The following DYSF variants were observed in gnomAD, a reference collection of about 807,000 sequenced individuals.
DYSF encodes the protein dystrophy-associated fer-1-like 1.
A neutral mutation model predicts 274.9 loss-of-function variants in DYSF; 212 were observed. That is an observed-to-expected ratio of 0.77 (90% CI 0.69 to 0.86). The LOEUF is 0.86. Ranked by LOEUF, DYSF falls within the 40% of genes least tolerant of loss-of-function variation. The pLI is 0.00. For synonymous variants in DYSF, 1,091 were observed against 1,078.7 expected (o/e 1.01, Z -0.22); for missense variants, 2,666 against 2,783.2 (o/e 0.96, Z 0.95).
At chr2:71,590,374 C>T in intron 32 of DYSF, 86 bp downstream of exon 32, 2 of 1,468,600 alleles carry the variant, frequency 1.4e-6, no homozygotes, top group Non-Finnish European at 1.9e-6. Flanking sequence ...ACAAGGGGTG[C>T]TGTTTGCTGG....
intron 41 of DYSF, among the ~76,000 whole-genome samples, chr2:71,633,964 G>A (rs1027996894): frequency 1.8e-4 from 28 of 152,166 alleles, no homozygotes; most frequent in African/African-American, 6.5e-4. Flanking sequence ...TATTTGGAAC[G>A]TATCATACTG....
intron 48 of DYSF, among the ~76,000 whole-genome samples, chr2:71,668,027 T>C (rs11674060): frequency 0.18 from 27,462 of 149,852 alleles, 2,837 homozygotes; most frequent in African/African-American, 0.27. Context: ...ACAGCAGCCT[T>C]GGGATGGTGA....
intron 22 of DYSF, among the ~76,000 whole-genome samples, chr2:71,556,826 T>G (rs896506803): frequency 2.6e-5 from 4 of 152,190 alleles, no homozygotes; most frequent in South Asian, 2.1e-4. Flanking sequence ...CCCTCTGCTC[T>G]CCACAGGGTT....
intron 40 of DYSF, among the ~76,000 whole-genome samples, chr2:71,614,617 C>T (rs570623998): frequency 1.3e-5 from 2 of 152,314 alleles, no homozygotes; most frequent in African/African-American, 4.8e-5. Flanking sequence ...GCTCTAGGGC[C>T]TGCTGTCTCT....
chr2:71,682,409 G>A, intron 54 of DYSF, 121 bp from the exon 55 acceptor site: 1 of 1,259,484 alleles, frequency 7.9e-7, no homozygotes, highest in East Asian at 2.3e-5. Context: ...GACAGGGCCT[G>A]GGCAGGCGCT....
chr2:71,656,454 G>C (rs993479539), intron 43 of DYSF, among the ~76,000 whole-genome samples, 164 bp downstream of exon 43: 1 of 152,154 alleles, frequency 6.6e-6, no homozygotes, highest in Non-Finnish European at 1.5e-5. Flanking sequence ...CGCAGAATCT[G>C]ACTGGTGATG....
chr2:71,496,833 C>T (rs914739899), intron 3 of DYSF, among the ~76,000 whole-genome samples: 4 of 152,130 alleles, frequency 2.6e-5, no homozygotes, highest in African/African-American at 9.7e-5. Flanking sequence ...AAATATGGGC[C>T]AGGTCAAATG....
intron 17 of DYSF, among the ~76,000 whole-genome samples, chr2:71,548,424 C>T (rs1250806998): frequency 1.3e-5 from 2 of 152,122 alleles, no homozygotes; most frequent in African/African-American, 4.8e-5. Context: ...GTTCACCAAC[C>T]ACATCCCGGG....
Position 71,481,931 on chromosome 2 carries a change from A to G in DYSF, c.200A>G (p.His67Arg). 6.2e-7 allele frequency: 1 copy of G among 1,614,074 alleles called. No individual in the cohort carries two copies. Among genetic ancestry groups the G allele is most frequent in the Non-Finnish European group, 8.5e-7 (1 of 1,180,002 alleles). The change falls in exon 3 of 56, where the codon CAT (histidine) becomes CGT (arginine). Residue 67 changes from histidine to arginine, a missense_variant. His to Arg is a conservative substitution (Grantham distance 29). Around this residue, in one of 3 missense-constraint regions of DYSF, gnomAD observed 794 missense variants for 777.1 expected, o/e 1.02. Coordinates refer to ENST00000410020, the MANE Select transcript of DYSF (RefSeq NM_001130987.2). Reference protein sequence around the residue: ...GIPLDQGSELHVVVKDHETMG... With the variant: ...GIPLDQGSELRVVVKDHETMG... ...CCCCTGGACCAGGGCTCTGAGCTTC[A>G]TGTGGTGGTCAAAGACCATGAGACG...
In DYSF at chr2:71,609,623, G is replaced by T. The variant is rs79296871; in HGVS notation, c.3958-1622G>T. 1.0e-2 allele frequency among the ~76,000 whole-genome samples: 1,520 copies of T among 152,342 alleles called. 7 individuals carry two copies. Among genetic ancestry groups the T allele is most frequent in the Middle Eastern group, 0.034 (10 of 294 alleles). On this transcript the variant is annotated intron_variant, in intron 36 of 55. Coordinates refer to ENST00000410020, the MANE Select transcript of DYSF (RefSeq NM_001130987.2). ...CATCTGAGAATACTGAGTCACTGAAGTTGAGTAATCTGTCCAAGGCCTAAT... is the reference window on the plus strand; with the variant it reads ...CATCTGAGAATACTGAGTCACTGAATTTGAGTAATCTGTCCAAGGCCTAAT...
chr2:71,454,225 A>C (rs2080956675), intron 1 of DYSF: 2 of 844,686 alleles, frequency 2.4e-6, no homozygotes, highest in South Asian at 3.0e-5. Context: ...GAGTGTTGCA[A>C]CGACACAGGT....
At position 71,553,086 on chromosome 2, in the gene DYSF, G is replaced by A. The variant is rs886043941; in HGVS notation, c.1882G>A (p.Ala628Thr). Residue 628 changes from alanine (A) to threonine (T), a missense_variant, in exon 20 of 56, where the codon GCC (alanine) becomes ACC (threonine). Around this residue, in one of 3 missense-constraint regions of DYSF, gnomAD observed 412 missense variants for 504.0 expected, o/e 0.82. Transcript: ENST00000410020. ...CACCATGCTGCAGGATGTGGATGAT[G>A]CCATCCAGTTTGAGGTCAGCATCGG... ...SATMLQDVDD[A>T]IQFEVSIGNY... The A allele has an allele frequency of 6.2e-6, 10 of 1,614,050 alleles. No homozygotes were observed. The highest frequency in any genetic ancestry group is 8.5e-6 in the Non-Finnish European group (10 of 1,180,044).
intron 1 of DYSF, among the ~76,000 whole-genome samples, chr2:71,459,372 G>A (rs533140336): frequency 1.3e-5 from 2 of 152,322 alleles, no homozygotes; most frequent in East Asian, 3.9e-4. Flanking sequence ...TCGATGGTCA[G>A]GAAGGTAGGG....
intron 16 of DYSF, 119 bp from the exon 17 acceptor site, chr2:71,539,038 C>T (rs549526928): frequency 4.1e-5 from 34 of 826,120 alleles, no homozygotes; most frequent in South Asian, 6.8e-5. Context: ...AGACCAGAAG[C>T]GCTCTCTGCC....
At chr2:71,469,969 C>T (rs147708732) in intron 1 of DYSF, among the ~76,000 whole-genome samples, 376 of 152,282 alleles carry the variant, frequency 2.5e-3, no homozygotes, top group African/African-American at 8.6e-3. Context: ...GTACCTACTA[C>T]GTGCCTGGTG....
chr2:71,583,074 A>C (rs926523679), intron 30 of DYSF, among the ~76,000 whole-genome samples: 1 of 151,498 alleles, frequency 6.6e-6, no homozygotes, highest in African/African-American at 2.4e-5. Context: ...AAAAAAGAGA[A>C]ATTAGAATGA....
chr2:71,510,265 C>T (rs1011210729), intron 4 of DYSF, among the ~76,000 whole-genome samples: 2 of 152,196 alleles, frequency 1.3e-5, no homozygotes, highest in Admixed American at 6.5e-5. Context: ...TGCAAATACC[C>T]AGGCCCACCC....
intron 32 of DYSF, among the ~76,000 whole-genome samples, chr2:71,592,524 T>A (rs1182528982): frequency 6.6e-6 from 1 of 152,230 alleles, no homozygotes; most frequent in Non-Finnish European, 1.5e-5. Flanking sequence ...ATTTCTCCCC[T>A]GGAACTGACC....
At chr2:71,552,204 T>C (rs6546704) in intron 19 of DYSF, among the ~76,000 whole-genome samples, 90,077 of 151,908 alleles carry the variant, frequency 0.59, 27,584 homozygotes, top group Non-Finnish European at 0.66. Flanking sequence ...GTCCAGGAGG[T>C]AGCTGTGTGG....
Sources: allele counts gnomAD v4.1 joint callset (sites outside exome capture counted in the v4.1 genomes callset), GRCh38; gene constraint gnomAD v4.1.1; regional missense constraint gnomAD v4.1.1; transcripts MANE v1.5; gene names NCBI Gene and HGNC (gene_info 2026-07-23, HGNC 2026-07-21).